Variants in KCNQ3 observed in about 807,000 individuals in gnomAD.
KCNQ3 encodes potassium voltage-gated channel subfamily KQT member 3.
Under a neutral mutation model 92.5 loss-of-function variants are expected in KCNQ3, and 30 were observed. The ratio of observed to expected loss-of-function variants is 0.32; its 90% CI spans 0.24 to 0.44. KCNQ3 has a LOEUF of 0.44. Ranked by LOEUF, KCNQ3 falls within the 20% of genes least tolerant of loss-of-function variation. KCNQ3 has a pLI of 1.00. For missense variants in KCNQ3, 913 were observed against 1,140.3 expected (o/e 0.80, Z 2.87); for synonymous variants, 450 against 468.8 (o/e 0.96, Z 0.52).
intron 1 of KCNQ3, among the ~76,000 whole-genome samples, chr8:132,417,724 TAAG>T (rs368470067): frequency 2.6e-5 from 4 of 152,198 alleles, no homozygotes; most frequent in Admixed American, 6.5e-5. Context: ...TGGCACTGAA[TAAG>T]AAGGATATGT....
At chr8:132,381,290 A>T (rs1819744900) in intron 1 of KCNQ3, among the ~76,000 whole-genome samples, 1 of 152,228 alleles carries the variant, frequency 6.6e-6, no homozygotes. Context: ...ACAGTCCAAC[A>T]CTAGCCCGAA....
chr8:132,437,256 G>T (rs55856112), intron 1 of KCNQ3, among the ~76,000 whole-genome samples: 1 of 150,780 alleles, frequency 6.6e-6, no homozygotes, highest in Non-Finnish European at 1.5e-5. Context: ...CTCCAGCCTG[G>T]GCGACAGCGA....
At chr8:132,295,032 T>C (rs1434528326) in intron 1 of KCNQ3, among the ~76,000 whole-genome samples, 3 of 152,236 alleles carry the variant, frequency 2.0e-5, no homozygotes, top group East Asian at 1.9e-4. Context: ...AAGGCAAAAA[T>C]TGACACATGG....
intron 1 of KCNQ3, among the ~76,000 whole-genome samples, chr8:132,411,307 G>A (rs1365986819): frequency 6.6e-6 from 1 of 152,174 alleles, no homozygotes; most frequent in African/African-American, 2.4e-5. Flanking sequence ...AGAGTGTACT[G>A]TCCCCAGACC....
At chr8:132,447,083 T>C (rs1242223632) in intron 1 of KCNQ3, 11 of 885,342 alleles carry the variant, frequency 1.2e-5, no homozygotes, top group Non-Finnish European at 2.0e-5. Flanking sequence ...GTGAGTCACA[T>C]CAGACTTGGT....
intron 1 of KCNQ3, among the ~76,000 whole-genome samples, chr8:132,216,002 T>G (rs1033861776): frequency 3.3e-5 from 5 of 152,114 alleles, no homozygotes; most frequent in African/African-American, 1.2e-4. Flanking sequence ...TGATTATCAG[T>G]AAATATAAAT....
chr8:132,132,511 C>T (rs1173261102), intron 13 of KCNQ3, among the ~76,000 whole-genome samples: 1 of 152,196 alleles, frequency 6.6e-6, no homozygotes, highest in Non-Finnish European at 1.5e-5. Context: ...TATCAAGCTG[C>T]TATTAAGGAG....
intron 1 of KCNQ3, among the ~76,000 whole-genome samples, chr8:132,347,329 G>A (rs1461284394): frequency 6.6e-6 from 1 of 152,114 alleles, no homozygotes; most frequent in Non-Finnish European, 1.5e-5. Context: ...ATGATGATGC[G>A]ATGGCAATGA....
intron 1 of KCNQ3, among the ~76,000 whole-genome samples, chr8:132,350,806 C>T (rs1303000025): frequency 6.6e-6 from 1 of 152,214 alleles, no homozygotes; most frequent in Non-Finnish European, 1.5e-5. Flanking sequence ...CCCAAGTGCC[C>T]ATGCAATTCT....
intron 1 of KCNQ3, among the ~76,000 whole-genome samples, chr8:132,273,071 C>A (rs755143289): frequency 5.9e-5 from 9 of 152,106 alleles, no homozygotes; most frequent in African/African-American, 2.2e-4. Context: ...TGGAGGATGG[C>A]GGCCTTCTTC....
intron 1 of KCNQ3, among the ~76,000 whole-genome samples, chr8:132,463,645 G>C (rs1299584496): frequency 1.3e-5 from 2 of 152,162 alleles, no homozygotes; most frequent in African/African-American, 2.4e-5. Flanking sequence ...GGTGACTCGG[G>C]CCAGGCAGCA....
chr8:132,197,396 C>A (rs1167569773), intron 1 of KCNQ3, among the ~76,000 whole-genome samples: 10 of 152,202 alleles, frequency 6.6e-5, no homozygotes, highest in African/African-American at 2.4e-4. Flanking sequence ...CCTCCAACAC[C>A]TTCGCTCTAT....
chr8:132,424,555 C>T (rs562463923), intron 1 of KCNQ3, among the ~76,000 whole-genome samples: 1 of 152,336 alleles, frequency 6.6e-6, no homozygotes, highest in South Asian at 2.1e-4. Context: ...CCTGCCTCAT[C>T]AGGAGAAGGT....
intron 1 of KCNQ3, among the ~76,000 whole-genome samples, chr8:132,417,868 C>CT (rs1820861141): frequency 6.6e-6 from 1 of 152,234 alleles, no homozygotes; most frequent in African/African-American, 2.4e-5. Context: ...AAAACGTTCT[C>CT]TTTCTGTTGG....
intron 1 of KCNQ3, among the ~76,000 whole-genome samples, chr8:132,271,059 T>A (rs1335162521): frequency 6.6e-6 from 1 of 152,222 alleles, no homozygotes; most frequent in East Asian, 1.9e-4. Context: ...TGTGCCCTGA[T>A]GATGTGGAAG....
At chr8:132,447,310 G>GA (rs771765327) in intron 1 of KCNQ3, 133 of 1,434,088 alleles carry the variant, frequency 9.3e-5, no homozygotes, top group Non-Finnish European at 1.2e-4. Context: ...AGAATGGGCA[G>GA]ACAAGGGTCA....
At chr8:132,230,098 C>G (rs1814582650) in intron 1 of KCNQ3, among the ~76,000 whole-genome samples, 3 of 152,146 alleles carry the variant, frequency 2.0e-5, no homozygotes, top group Admixed American at 6.5e-5. Context: ...CATGTTGGAT[C>G]TACCTCAACA....
At chr8:132,459,233 A>G (rs1305969234) in intron 1 of KCNQ3, among the ~76,000 whole-genome samples, 1 of 152,212 alleles carries the variant, frequency 6.6e-6, no homozygotes, top group Non-Finnish European at 1.5e-5. Flanking sequence ...AACATGATTA[A>G]TCATGGTTGA....
At chr8:132,423,953 A>C (rs1469746458) in intron 1 of KCNQ3, among the ~76,000 whole-genome samples, 2 of 152,130 alleles carry the variant, frequency 1.3e-5, no homozygotes, top group African/African-American at 4.8e-5. Context: ...AGGTCAAAAA[A>C]ATTATTTCTG....
Sources: gnomAD v4.1 joint callset for allele counts (sites outside exome capture counted in the v4.1 genomes callset) on GRCh38, gnomAD v4.1.1 for gene constraint, MANE v1.5 for transcripts, NCBI Gene and HGNC (gene_info 2026-07-23, HGNC 2026-07-21) for gene names.